The following FFAR4 variants were observed in gnomAD, a reference collection of about 807,000 sequenced individuals.
The protein encoded by FFAR4 is free fatty acid receptor 4.
A neutral mutation model predicts 27.0 loss-of-function variants in FFAR4; 19 were observed. The observed-to-expected ratio is 0.70, with a 90% CI of 0.49 to 1.03. FFAR4 has a LOEUF of 1.03. Among genes scored for constraint, FFAR4 ranks in the 50% least tolerant of loss-of-function variants. FFAR4 has a pLI of 0.00. For synonymous variants in FFAR4, 254 were observed against 215.6 expected (o/e 1.18, Z -1.56); for missense variants, 476 against 479.0 (o/e 0.99, Z 0.06).
chr10:93,568,996 G>T (rs952979865), intron 1 of FFAR4, among the ~76,000 whole-genome samples: 8 of 152,134 alleles, frequency 5.3e-5, no homozygotes, highest in Admixed American at 2.0e-4. Context: ...TAGTGGACAG[G>T]CTTGTTCTTA....
At chr10:93,572,710 TG>T (rs2058139196) in intron 1 of FFAR4, among the ~76,000 whole-genome samples, 1 of 151,990 alleles carries the variant, frequency 6.6e-6, no homozygotes, top group African/African-American at 2.4e-5. Flanking sequence ...ATTCAGGGAG[TG>T]CAGGAATCAG....
At chr10:93,574,538 G>A (rs1478825192) in intron 1 of FFAR4, among the ~76,000 whole-genome samples, 3 of 152,138 alleles carry the variant, frequency 2.0e-5, no homozygotes, top group Non-Finnish European at 2.9e-5. Flanking sequence ...GAGGTGGTGC[G>A]GGTTTTCTGG....
At chr10:93,570,052 C>T (rs986980754) in intron 1 of FFAR4, among the ~76,000 whole-genome samples, 10 of 149,792 alleles carry the variant, frequency 6.7e-5, no homozygotes, top group African/African-American at 2.2e-4. Flanking sequence ...AAGCAAGACT[C>T]AATCTCAAAA....
chr10:93,582,137 G>T (rs752536105), intron 2 of FFAR4, among the ~76,000 whole-genome samples: 1 of 152,196 alleles, frequency 6.6e-6, no homozygotes, highest in Non-Finnish European at 1.5e-5. Flanking sequence ...CATCTAGCAT[G>T]GGGAGAGGAG....
At chr10:93,573,291 C>G (rs368733773) in intron 1 of FFAR4, among the ~76,000 whole-genome samples, 8 of 152,360 alleles carry the variant, frequency 5.3e-5, no homozygotes, top group African/African-American at 1.7e-4. Flanking sequence ...TCTGCCAATT[C>G]TGCTTCTGTA....
At chr10:93,582,715 G>A (rs984372915) in intron 2 of FFAR4, among the ~76,000 whole-genome samples, 1 of 152,128 alleles carries the variant, frequency 6.6e-6, no homozygotes, top group East Asian at 1.9e-4. Flanking sequence ...GTAGTCTGGT[G>A]GGGGTCTGTG....
chr10:93,569,243 A>G (rs2058118326), intron 1 of FFAR4, among the ~76,000 whole-genome samples: 1 of 152,240 alleles, frequency 6.6e-6, no homozygotes, highest in Non-Finnish European at 1.5e-5. Context: ...TCTTGAAGGT[A>G]TCTTAAGTTT....
chr10:93,571,313 C>T (rs2134541429), intron 1 of FFAR4, among the ~76,000 whole-genome samples: 1 of 152,316 alleles, frequency 6.6e-6, no homozygotes, highest in East Asian at 1.9e-4. Context: ...ACTAAGCACC[C>T]TTCCCCTCTT....
intron 2 of FFAR4, among the ~76,000 whole-genome samples, chr10:93,576,805 G>A (rs566275491): frequency 6.6e-6 from 1 of 152,094 alleles, no homozygotes; most frequent in South Asian, 2.1e-4. Flanking sequence ...GGTCTTTTAG[G>A]CTGTGTCCAT....
chr10:93,570,853 C>T lies in FFAR4; in HGVS notation c.567+3566C>T, dbSNP rs562197535. 9.9e-4 allele frequency among the ~76,000 whole-genome samples: 150 copies of T among 152,188 alleles called. 1 individual carries two copies. Among genetic ancestry groups the T allele is most frequent in the African/African-American group, 3.2e-3 (133 of 41,512 alleles). ...CTGTTTAAATCCCATCTCTGCCATT[C>T]GGGAGCTTCATGACAGAATCCAAGC... is the stretch of plus-strand genomic sequence containing the variant. On this transcript the variant is annotated intron_variant, in intron 1 of 2. Coordinates refer to ENST00000371481, the MANE Select transcript of FFAR4 (RefSeq NM_001195755.2).
chr10:93,568,241 A>G (rs1475585156), intron 1 of FFAR4, among the ~76,000 whole-genome samples: 1 of 152,142 alleles, frequency 6.6e-6, no homozygotes, highest in African/African-American at 2.4e-5. Flanking sequence ...GGTGGAGGAC[A>G]GTGGCCGCCG....
In FFAR4 at chr10:93,567,107, G is replaced by A. The variant is rs2058102328; in HGVS notation, c.387G>A (p.Leu129=). The part of the protein sequence containing the change: ...TLSGSVTILT[L]AAVSLERMVC... ...GCGGCAGCGTCACCATCCTCACGCT[G>A]GCCGCGGTCAGCCTGGAGCGCATGG... The change falls in exon 1 of 3, where the codon CTG becomes CTA. Residue 129 remains leucine (L), a synonymous_variant. Transcript: ENST00000371481. The A allele has an allele frequency of 1.2e-6, 2 of 1,609,192 alleles. No individual in the cohort carries two copies.
At chr10:93,573,527 A>G (rs1269581577) in intron 1 of FFAR4, among the ~76,000 whole-genome samples, 1 of 152,216 alleles carries the variant, frequency 6.6e-6, no homozygotes, top group South Asian at 2.1e-4. Context: ...AAACCAAGTT[A>G]TGACACCAAC....
intron 2 of FFAR4, among the ~76,000 whole-genome samples, chr10:93,581,938 C>A (rs887053516): frequency 2.0e-5 from 3 of 152,138 alleles, no homozygotes; most frequent in African/African-American, 7.2e-5. Context: ...AAGCAAATCA[C>A]TTCTCTTCTC....
rs1326478204 is a variant in FFAR4, at chr10:93,589,456, A to C, written c.*1847A>C. On this transcript the variant is annotated 3_prime_UTR_variant, in exon 3 of 3. Transcript: ENST00000371481. ...CTTGTAAATATACCTTGGGAAGGTA[A>C]AACAAAGATGATTTATTGATGGGAA... is the stretch of plus-strand genomic sequence containing the variant. The C allele has an allele frequency of 6.6e-6, 1 of 152,160 alleles. No homozygotes were observed. Among genetic ancestry groups the C allele is most frequent in the Non-Finnish European group, 1.5e-5 (1 of 68,034 alleles). 9.4% of individuals were successfully genotyped at this position (152,160 alleles called of 1,614,324 possible). A position where few individuals can be genotyped will look rare whatever the true frequency, so the allele number is the denominator to read the frequency against.
chr10:93,579,149 C>G (rs375956103), intron 2 of FFAR4: 137 of 1,613,762 alleles, frequency 8.5e-5, no homozygotes, highest in Middle Eastern at 1.6e-4. Context: ...TTCACTTCTC[C>G]CCATTACAGA....
At position 93,567,242 on chromosome 10, in the gene FFAR4, C is replaced by A. The variant is rs758860617; in HGVS notation, c.522C>A (p.Cys174Ter). The change falls in exon 1 of 3, where the codon TGC becomes TGA. Residue 174 changes from cysteine to a stop codon, truncating the protein, a stop_gained. Coordinates refer to ENST00000371481, the MANE Select transcript of FFAR4 (RefSeq NM_001195755.2). LOFTEE classifies it high-confidence loss of function. ...CGGCGGTCGCCGCTCTGCCTCTCTGCGTCTTCTTCCGAGTCGTCCCGCAAC... is the reference window on the plus strand; with the variant it reads ...CGGCGGTCGCCGCTCTGCCTCTCTGAGTCTTCTTCCGAGTCGTCCCGCAAC... Reference protein sequence around the residue: ...GYSAVAALPLCVFFRVVPQRL... With the variant: ...GYSAVAALPL The A allele has an allele frequency of 6.9e-6, 11 of 1,601,128 alleles. No homozygotes were observed. Among genetic ancestry groups the A allele is most frequent in the South Asian group, 3.3e-5 (3 of 91,008 alleles).
chr10:93,579,765 C>T (rs1022733662), intron 2 of FFAR4, among the ~76,000 whole-genome samples: 2 of 152,306 alleles, frequency 1.3e-5, no homozygotes. Context: ...ACAGGGTCGT[C>T]TCTTCTTGGA....
chr10:93,574,787 G>T (rs941111667), intron 1 of FFAR4, among the ~76,000 whole-genome samples: 1 of 152,054 alleles, frequency 6.6e-6, no homozygotes, highest in Non-Finnish European at 1.5e-5. Context: ...CCAGCTACTC[G>T]GGAGGCTGAG....
Sources: gnomAD v4.1 joint callset for allele counts (sites outside exome capture counted in the v4.1 genomes callset) on GRCh38, gnomAD v4.1.1 for gene constraint, MANE v1.5 for transcripts, NCBI Gene and HGNC (gene_info 2026-07-23, HGNC 2026-07-21) for gene names.